The following RNASE7 variants were observed in gnomAD, a reference collection of about 807,000 sequenced individuals.
RNASE7 encodes the protein ribonuclease A family member 7.
For missense variants in RNASE7, 184 were observed against 191.5 expected, an observed-to-expected ratio of 0.96 and a Z score of 0.23; for synonymous variants, 80 against 77.5, an observed-to-expected ratio of 1.03 and a Z score of -0.17.
Position 21,042,957 on chromosome 14 carries a change from C to G in RNASE7, c.-36C>G, listed in dbSNP as rs1241567233. The G allele has an allele frequency of 3.2e-6, 5 of 1,579,552 alleles. No homozygotes were observed. In the African/African-American group the frequency reaches 6.7e-5, roughly 21 times the overall value. Reference sequence around the variant, plus strand: ...AACTGAACACCTCTGTCCCAGCGACCCCTGCCCTCCATCCTGACTGCTCCT... The same window carrying G: ...AACTGAACACCTCTGTCCCAGCGACGCCTGCCCTCCATCCTGACTGCTCCT... On this transcript the variant is annotated 5_prime_UTR_variant, in exon 2 of 2. Transcript: ENST00000298690.
At position 21,043,152 on chromosome 14, in the gene RNASE7, G is replaced by C; in HGVS notation, c.160G>C (p.Ala54Pro). Residue 54 changes from alanine (A) to proline (P), a missense_variant, in exon 2 of 2, where the codon GCC (alanine) becomes CCC (proline). Ala to Pro is a conservative substitution (Grantham distance 27). Transcript: ENST00000298690. Reference sequence around the variant, plus strand: ...GCCCAGCCCTCAAGCATGCAACTCAGCCATGAAAAACATTAACAAGCACAC... The same window carrying C: ...GCCCAGCCCTCAAGCATGCAACTCACCCATGAAAAACATTAACAAGCACAC... ...MQPSPQACNSAMKNINKHTKR... is the reference protein window; with the variant it reads ...MQPSPQACNSPMKNINKHTKR... 1 of 1,614,146 alleles carries C rather than the reference G, an allele frequency of 6.2e-7. No homozygotes were observed. Among genetic ancestry groups the C allele is most frequent in the Non-Finnish European group, 8.5e-7 (1 of 1,180,032 alleles).
Position 21,043,355 on chromosome 14 carries a change from C to G in RNASE7, c.363C>G (p.Tyr121Ter), listed in dbSNP as rs1439397854. The G allele has an allele frequency of 6.2e-7, 1 of 1,614,176 alleles. No individual in the cohort carries two copies. Among genetic ancestry groups the G allele is most frequent in the Admixed American group, 1.7e-5 (1 of 60,018 alleles). Residue 121 changes from tyrosine to a stop codon, truncating the protein, a stop_gained, in exon 2 of 2, where the codon TAC becomes TAG. Transcript: ENST00000298690. LOFTEE classifies it low-confidence loss of function (END_TRUNC). The part of the protein sequence containing the change: ...LTSGKHPNCR[Y>*]KEKRQNKSYV... ...CAGGGAAGCATCCGAACTGCAGGTA[C>G]AAAGAGAAGCGACAGAACAAGTCTT...
At chr14:21,042,830 G>C in intron 1 of RNASE7, 123 bp from the exon 2 acceptor site, 1 of 631,100 alleles carries the variant, frequency 1.6e-6, no homozygotes, top group Non-Finnish European at 2.7e-6. Flanking sequence ...TGGACACACA[G>C]AAGAAGAGGC....
chr14:21,042,908 C>T, intron 1 of RNASE7, 45 bp from the exon 2 acceptor site: 2 of 1,129,208 alleles, frequency 1.8e-6, no homozygotes, highest in Non-Finnish European at 2.5e-6. Flanking sequence ...CTCATATGAG[C>T]AGGTATAAGA....
chr14:21,043,569 G>T lies in RNASE7; in HGVS notation c.*106G>T. 1 of 797,960 alleles carries T rather than the reference G, an allele frequency of 1.3e-6. No individual in the cohort carries two copies. The highest frequency in any genetic ancestry group is 2.8e-5 in the Admixed American group (1 of 35,754). The allele number at this position is 797,960 out of a possible 1,614,324, so 49.4% of individuals were successfully genotyped here. Reference sequence around the variant, plus strand: ...TCTCTTCCCCTCATCTCTTGGGGCTGTTCCTGGTTCAGCCTCTGCTGGGAG... The same window carrying T: ...TCTCTTCCCCTCATCTCTTGGGGCTTTTCCTGGTTCAGCCTCTGCTGGGAG... On this transcript the variant is annotated 3_prime_UTR_variant, in exon 2 of 2. Transcript: ENST00000298690.
chr14:21,043,272 G>T lies in RNASE7; in HGVS notation c.280G>T (p.Asp94Tyr). The T allele has an allele frequency of 6.2e-7, 1 of 1,614,180 alleles. No individual in the cohort carries two copies. The highest frequency in any genetic ancestry group is 8.5e-7 in the Non-Finnish European group (1 of 1,180,038). Residue 94 changes from aspartate (D) to tyrosine (Y), a missense_variant, in exon 2 of 2, where the codon GAT becomes TAT. Coordinates refer to ENST00000298690, the MANE Select transcript of RNASE7 (RefSeq NM_032572.4). Reference sequence around the variant, plus strand: ...CCCCAAAATAGCCTGCAAGAATGGCGATAAAAACTGCCACCAGAGCCACGG... The same window carrying T: ...CCCCAAAATAGCCTGCAAGAATGGCTATAAAAACTGCCACCAGAGCCACGG... ...QTPKIACKNGDKNCHQSHGAV... is the reference protein window; with the variant it reads ...QTPKIACKNGYKNCHQSHGAV...
chr14:21,043,493 C>G lies in RNASE7; in HGVS notation c.*30C>G, dbSNP rs112710361. 9.4e-4 allele frequency: 1,360 copies of G among 1,439,246 alleles called. 7 individuals are homozygous for G. The African/African-American group carries it at 0.014, about 15-fold the overall frequency. 89.2% of individuals were successfully genotyped at this position (1,439,246 alleles called of 1,614,324 possible). ...CCAGACTGGCTTGCTCTTTGGCTGA[C>G]CTTCAATTCCCTCTCCAGGACTCCG... is the stretch of plus-strand genomic sequence containing the variant. On this transcript the variant is annotated 3_prime_UTR_variant, in exon 2 of 2. Coordinates refer to ENST00000298690, the MANE Select transcript of RNASE7 (RefSeq NM_032572.4).
chr14:21,043,560 C>G lies in RNASE7; in HGVS notation c.*97C>G. The G allele has an allele frequency of 4.7e-6, 4 of 845,644 alleles. No individual in the cohort carries two copies. Among genetic ancestry groups the G allele is most frequent in the Non-Finnish European group, 5.6e-6 (3 of 535,366 alleles). The allele number at this position is 845,644 out of a possible 1,614,324, so 52.4% of individuals were successfully genotyped here. ...CCAGAGCATTCTCTTCCCCTCATCT[C>G]TTGGGGCTGTTCCTGGTTCAGCCTC... On this transcript the variant is annotated 3_prime_UTR_variant, in exon 2 of 2. Transcript: ENST00000298690.
At position 21,042,958 on chromosome 14, in the gene RNASE7, C is replaced by T; in HGVS notation, c.-35C>T. On this transcript the variant is annotated 5_prime_UTR_variant, in exon 2 of 2. Coordinates refer to ENST00000298690, the MANE Select transcript of RNASE7 (RefSeq NM_032572.4). ...ACTGAACACCTCTGTCCCAGCGACC[C>T]CTGCCCTCCATCCTGACTGCTCCTC... 6.3e-7 allele frequency: 1 copy of T among 1,582,394 alleles called. No homozygotes were observed. Among genetic ancestry groups the T allele is most frequent in the Non-Finnish European group, 8.6e-7 (1 of 1,161,758 alleles).
At position 21,043,483 on chromosome 14, in the gene RNASE7, C is replaced by G. The variant is rs1256286403; in HGVS notation, c.*20C>G. ...CTTTAGGTTTCCAGACTGGCTTGCT[C>G]TTTGGCTGACCTTCAATTCCCTCTC... On this transcript the variant is annotated 3_prime_UTR_variant, in exon 2 of 2. Coordinates refer to ENST00000298690, the MANE Select transcript of RNASE7 (RefSeq NM_032572.4). 2 of 1,529,280 alleles carry G rather than the reference C, an allele frequency of 1.3e-6. No homozygotes were observed. Among genetic ancestry groups the G allele is most frequent in the Non-Finnish European group, 1.8e-6 (2 of 1,130,906 alleles). The allele number at this position is 1,529,280 out of a possible 1,614,324, so 94.7% of individuals were successfully genotyped here.
In RNASE7 at chr14:21,042,515, C is replaced by T. The variant is rs373517854; in HGVS notation, c.-41+73C>T. 1.7e-4 allele frequency: 31 copies of T among 177,360 alleles called. 2 individuals are homozygous for T. The highest frequency in any genetic ancestry group is 1.2e-3 in the Admixed American group (23 of 18,708). 11.0% of individuals were successfully genotyped at this position (177,360 alleles called of 1,614,324 possible). ...GATGGGTTCTGATCCTGAGAGTACA[C>T]TCAGGTGAGCGATAAAATGGATAAA... On this transcript the variant is annotated intron_variant, in intron 1 of 1. Coordinates refer to ENST00000298690, the MANE Select transcript of RNASE7 (RefSeq NM_032572.4).
At position 21,043,233 on chromosome 14, in the gene RNASE7, G is replaced by T. The variant is rs771856849; in HGVS notation, c.241G>T (p.Ala81Ser). 1.2e-6 allele frequency: 2 copies of T among 1,614,110 alleles called. No homozygotes were observed. The highest frequency in any genetic ancestry group is 1.7e-6 in the Non-Finnish European group (2 of 1,180,028). The part of the protein sequence containing the change: ...FLHEPFSSVA[A>S]TCQTPKIACK... ...GCACGAGCCTTTCTCCAGTGTGGCC[G>T]CCACCTGCCAGACCCCCAAAATAGC... Residue 81 changes from alanine to serine, a missense_variant, in exon 2 of 2, where the codon GCC becomes TCC. By Grantham distance (99) the Ala-to-Ser change is moderately conservative. Coordinates refer to ENST00000298690, the MANE Select transcript of RNASE7 (RefSeq NM_032572.4).
In RNASE7 at chr14:21,043,542, A is replaced by G; in HGVS notation, c.*79A>G. 6 of 968,606 alleles carry G rather than the reference A, an allele frequency of 6.2e-6. No homozygotes were observed. The highest frequency in any genetic ancestry group is 4.8e-5 in the South Asian group (3 of 62,510). 60.0% of individuals were successfully genotyped at this position (968,606 alleles called of 1,614,324 possible). A position where few individuals can be genotyped will look rare whatever the true frequency, so the allele number is the denominator to read the frequency against. On this transcript the variant is annotated 3_prime_UTR_variant, in exon 2 of 2. Coordinates refer to ENST00000298690, the MANE Select transcript of RNASE7 (RefSeq NM_032572.4). ...CGCACCACTCCCCTACACCCAGAGC[A>G]TTCTCTTCCCCTCATCTCTTGGGGC...
rs1885009749 is a variant in RNASE7 at position 21,043,516 on chromosome 14, C to A, written c.*53C>A. 8.5e-7 allele frequency: 1 copy of A among 1,170,996 alleles called. No homozygotes were observed. The highest frequency in any genetic ancestry group is 1.2e-6 in the Non-Finnish European group (1 of 812,772). The allele number at this position is 1,170,996 out of a possible 1,614,324, so 72.5% of individuals were successfully genotyped here. ...GACCTTCAATTCCCTCTCCAGGACT[C>A]CGCACCACTCCCCTACACCCAGAGC... On this transcript the variant is annotated 3_prime_UTR_variant, in exon 2 of 2. Transcript: ENST00000298690.
chr14:21,043,224 A>C lies in RNASE7; in HGVS notation c.232A>C (p.Ser78Arg), dbSNP rs1455981310. Residue 78 changes from serine to arginine, a missense_variant, in exon 2 of 2, where the codon AGT becomes CGT. By Grantham distance (110) the Ser-to-Arg change is moderately radical. Transcript: ENST00000298690. ...CACCTTCCTGCACGAGCCTTTCTCCAGTGTGGCCGCCACCTGCCAGACCCC... is the reference window on the plus strand; with the variant it reads ...CACCTTCCTGCACGAGCCTTTCTCCCGTGTGGCCGCCACCTGCCAGACCCC... ...LNTFLHEPFS[S>R]VAATCQTPKI... The C allele has an allele frequency of 6.2e-7, 1 of 1,614,098 alleles. No homozygotes were observed. Among genetic ancestry groups the C allele is most frequent in the South Asian group, 1.1e-5 (1 of 91,088 alleles).
Position 21,043,091 on chromosome 14 carries a change from G to A in RNASE7, c.99G>A (p.Met33Ile), listed in dbSNP as rs773316041. 6 of 1,614,084 alleles carry A rather than the reference G, an allele frequency of 3.7e-6. No individual in the cohort carries two copies. Among genetic ancestry groups the A allele is most frequent in the Non-Finnish European group, 5.1e-6 (6 of 1,180,048 alleles). The stretch of plus-strand genomic sequence containing the variant: ...CAGTCAGTGCCAAGCCCAAGGGCAT[G>A]ACCTCATCACAGTGGTTTAAAATTC... Reference protein sequence around the residue: ...EIPVSAKPKGMTSSQWFKIQH... With the variant: ...EIPVSAKPKGITSSQWFKIQH... The change falls in exon 2 of 2, where the codon ATG (methionine) becomes ATA (isoleucine). Residue 33 changes from methionine to isoleucine, a missense_variant. Transcript: ENST00000298690.
intron 1 of RNASE7, among the ~76,000 whole-genome samples, 154 bp downstream of exon 1, chr14:21,042,596 T>C (rs1198952045): frequency 1.3e-5 from 2 of 151,270 alleles, no homozygotes; most frequent in Non-Finnish European, 2.9e-5. Context: ...GGGAGAGTGA[T>C]GTTGGGGATG....
chr14:21,043,119 C>T lies in RNASE7; in HGVS notation c.127C>T (p.His43Tyr). The change falls in exon 2 of 2, where the codon CAC becomes TAC. Residue 43 changes from histidine (H) to tyrosine (Y), a missense_variant. Transcript: ENST00000298690. ...CTCATCACAGTGGTTTAAAATTCAG[C>T]ACATGCAGCCCAGCCCTCAAGCATG... ...MTSSQWFKIQ[H>Y]MQPSPQACNS... The T allele has an allele frequency of 1.2e-6, 2 of 1,614,184 alleles. No individual in the cohort carries two copies. The highest frequency in any genetic ancestry group is 2.2e-5 in the South Asian group (2 of 91,086).
At chr14:21,042,885 G>T in intron 1 of RNASE7, 68 bp from the exon 2 acceptor site, 1 of 899,168 alleles carries the variant, frequency 1.1e-6, no homozygotes, top group Admixed American at 2.8e-5. Context: ...CGAGTAGGGA[G>T]ATGGGTGACT....
Sources: allele counts gnomAD v4.1 joint callset (sites outside exome capture counted in the v4.1 genomes callset), GRCh38; gene constraint gnomAD v4.1.1; transcripts MANE v1.5; gene names NCBI Gene and HGNC (gene_info 2026-07-23, HGNC 2026-07-21).